Variants in BAZ2B observed in about 807,000 individuals in gnomAD.
BAZ2B encodes the protein bromodomain adjacent to zinc finger domain protein 2B.
Under a neutral mutation model 246.0 loss-of-function variants are expected in BAZ2B, and 91 were observed. That is an observed-to-expected ratio of 0.37 (90% CI 0.31 to 0.44). BAZ2B has a LOEUF of 0.44. Ranked by LOEUF, BAZ2B falls within the 20% of genes least tolerant of loss-of-function variation. BAZ2B has a pLI of 1.00. For synonymous variants in BAZ2B, 855 were observed against 860.0 expected (o/e 0.99, Z 0.10); for missense variants, 2,332 against 2,533.7 (o/e 0.92, Z 1.71).
chr2:159,448,351 T>C lies in BAZ2B; in HGVS notation c.393A>G (p.Pro131=). The change falls in exon 5 of 37, where the codon CCA becomes CCG. Residue 131 remains proline (P), a synonymous_variant. Transcript: ENST00000392783. ...AHTRTGATFF[P]PLLGIPPLFA... ...ATAGTGGTGGAATTCCCAGTAATGG[T>C]GGAAAGAAGGTTGCTCCTGTACGAG... 2 of 1,613,116 alleles carry C rather than the reference T, an allele frequency of 1.2e-6. No homozygotes were observed. Among genetic ancestry groups the C allele is most frequent in the Non-Finnish European group, 1.7e-6 (2 of 1,179,762 alleles).
At chr2:159,607,980 A>G (rs908179670) in intron 1 of BAZ2B, among the ~76,000 whole-genome samples, 3 of 152,228 alleles carry the variant, frequency 2.0e-5, no homozygotes, top group South Asian at 2.1e-4. Flanking sequence ...ATACAAATGT[A>G]TCAAATATGT....
At chr2:159,387,961 T>C (rs1185535339) in intron 21 of BAZ2B, among the ~76,000 whole-genome samples, 2 of 152,074 alleles carry the variant, frequency 1.3e-5, no homozygotes, top group Non-Finnish European at 2.9e-5. Flanking sequence ...AAATAGAATA[T>C]TAATATAGTT....
chr2:159,618,352 T>C (rs1221475782), upstream of BAZ2B, among the ~76,000 whole-genome samples: 2 of 152,220 alleles, frequency 1.3e-5, no homozygotes, highest in Non-Finnish European at 2.9e-5. Context: ...TTTGAGTAAC[T>C]ACCTAATAAC....
intron 1 of BAZ2B, among the ~76,000 whole-genome samples, chr2:159,604,700 G>C (rs1156446255): frequency 6.6e-6 from 1 of 152,022 alleles, no homozygotes; most frequent in Non-Finnish European, 1.5e-5. Flanking sequence ...AGAAATTTTA[G>C]AGAATACAAT....
intron 31 of BAZ2B, among the ~76,000 whole-genome samples, chr2:159,340,586 C>T (rs1346535110): frequency 2.0e-5 from 3 of 151,708 alleles, no homozygotes; most frequent in Admixed American, 6.6e-5. Context: ...GATTTCTCAG[C>T]AGAAACCTTG....
the BAZ2B span, among the ~76,000 whole-genome samples, chr2:159,641,269 G>C: frequency 6.6e-6 from 1 of 152,146 alleles, no homozygotes; most frequent in Admixed American, 6.5e-5. Flanking sequence ...AGTCTGACTG[G>C]TGTTAGTATC....
intron 4 of BAZ2B, among the ~76,000 whole-genome samples, chr2:159,453,198 G>A (rs1479837026): frequency 1.3e-5 from 2 of 152,104 alleles, no homozygotes; most frequent in Non-Finnish European, 2.9e-5. Context: ...CTTGAAATAG[G>A]AGTGTAAAAA....
At chr2:159,557,919 T>TAA (rs966580940) in intron 1 of BAZ2B, among the ~76,000 whole-genome samples, 3 of 146,960 alleles carry the variant, frequency 2.0e-5, no homozygotes, top group Admixed American at 2.0e-4. Flanking sequence ...TTGGGAAGCT[T>TAA]AAAAAAAAAA....
chr2:159,325,117 T>TTATATATATATATATATA (rs1344829292), intron 35 of BAZ2B, among the ~76,000 whole-genome samples, 163 bp from the exon 36 acceptor site: 1 of 3,394 alleles, frequency 2.9e-4, no homozygotes, highest in African/African-American at 6.5e-4. Context: ...TATATATATT[T>TTATATATATATATATATA]TATATATATA....
chr2:159,344,051 A>G (rs9678401), intron 31 of BAZ2B, among the ~76,000 whole-genome samples: 128,741 of 141,446 alleles, frequency 0.91, 59,828 homozygotes, highest in South Asian at 1. Flanking sequence ...AAAAAGAAAA[A>G]AAAAAAAATG....
the BAZ2B span, among the ~76,000 whole-genome samples, chr2:159,640,883 G>C: frequency 1.4e-5 from 2 of 147,284 alleles, no homozygotes; most frequent in Non-Finnish European, 3.0e-5. Flanking sequence ...TAGAAGAAAA[G>C]AAATAATAAA....
chr2:159,539,862 A>G (rs1313762044), intron 2 of BAZ2B, among the ~76,000 whole-genome samples: 1 of 152,070 alleles, frequency 6.6e-6, no homozygotes, highest in Non-Finnish European at 1.5e-5. Flanking sequence ...TGTGATCACT[A>G]TAACCTCTGA....
At chr2:159,503,670 C>T (rs1434584378) in intron 2 of BAZ2B, among the ~76,000 whole-genome samples, 2 of 152,086 alleles carry the variant, frequency 1.3e-5, no homozygotes, top group African/African-American at 2.4e-5. Flanking sequence ...ACCTCCCCCT[C>T]CCGGGTTCAA....
At chr2:159,469,091 C>G (rs2077453880) in intron 3 of BAZ2B, among the ~76,000 whole-genome samples, 1 of 143,696 alleles carries the variant, frequency 7.0e-6, no homozygotes, top group Admixed American at 6.9e-5. Flanking sequence ...GAAAATCATA[C>G]CCATAGAAAA....
chr2:159,385,907 A>G (rs1040995125), intron 22 of BAZ2B, among the ~76,000 whole-genome samples: 4 of 152,272 alleles, frequency 2.6e-5, no homozygotes, highest in African/African-American at 9.6e-5. Flanking sequence ...TGGAATTAAG[A>G]TAAACATGAA....
chr2:159,623,080 G>A, the BAZ2B span, among the ~76,000 whole-genome samples: 2 of 148,928 alleles, frequency 1.3e-5, no homozygotes, highest in East Asian at 2.0e-4. Flanking sequence ...AGAAGGGAAG[G>A]GAGAGGGGAG....
chr2:159,576,668 C>T (rs901655097), intron 1 of BAZ2B, among the ~76,000 whole-genome samples: 3 of 151,692 alleles, frequency 2.0e-5, no homozygotes, highest in Non-Finnish European at 2.9e-5. Context: ...AATCCCAGTA[C>T]TTTGGGAGGC....
At chr2:159,506,371 A>G (rs1416010857) in intron 2 of BAZ2B, among the ~76,000 whole-genome samples, 2 of 152,202 alleles carry the variant, frequency 1.3e-5, no homozygotes, top group Non-Finnish European at 2.9e-5. Flanking sequence ...GAGCTGTAAT[A>G]TGCTGTATTA....
chr2:159,405,189 A>G (rs1333596509), intron 14 of BAZ2B, 75 bp from the exon 15 acceptor site: 1 of 1,270,616 alleles, frequency 7.9e-7, no homozygotes, highest in African/African-American at 1.5e-5. Flanking sequence ...CTGTGTGAAA[A>G]TGGTATCATC....
Sources: gnomAD v4.1 joint callset for allele counts (sites outside exome capture counted in the v4.1 genomes callset) on GRCh38, gnomAD v4.1.1 for gene constraint, MANE v1.5 for transcripts, NCBI Gene and HGNC (gene_info 2026-07-23, HGNC 2026-07-21) for gene names.